The following UBQLN1 variants were observed in gnomAD, a reference collection of about 807,000 sequenced individuals.
UBQLN1 encodes ubiquilin-1.
UBQLN1 carries 13 observed loss-of-function variants against 65.4 expected under a neutral mutation model. The ratio of observed to expected loss-of-function variants is 0.20; its 90% CI spans 0.13 to 0.32. UBQLN1 has a LOEUF of 0.32. Among genes scored for constraint, UBQLN1 ranks in the 10% least tolerant of loss-of-function variants. UBQLN1 has a pLI of 1.00. For synonymous variants in UBQLN1, 267 were observed against 247.8 expected (o/e 1.08, Z -0.73); for missense variants, 561 against 724.0 (o/e 0.77, Z 2.58).
At chr9:83,706,043 G>C (rs1438184392) in intron 1 of UBQLN1, among the ~76,000 whole-genome samples, 1 of 152,134 alleles carries the variant, frequency 6.6e-6, no homozygotes, top group Non-Finnish European at 1.5e-5. Flanking sequence ...ATCTTGATAA[G>C]AGCTTGGGCT....
In UBQLN1 at chr9:83,675,319, TAG is replaced by T. The variant is rs146618126; in HGVS notation, c.1105+2406_1105+2407del. Among the ~76,000 whole-genome samples the T allele has an allele frequency of 2.1e-3, 318 of 152,282 alleles. 1 individual carries two copies. The highest frequency in any genetic ancestry group is 6.6e-3 in the African/African-American group (276 of 41,562). On this transcript the variant is annotated intron_variant, in intron 6 of 10. Coordinates refer to ENST00000376395, the MANE Select transcript of UBQLN1 (RefSeq NM_013438.5). ...AATTACTATATGAATTCGTTTTTGTTAGAGAGTTGGTAATGCTTATGCATGAA... is the reference window on the plus strand; with the variant it reads ...AATTACTATATGAATTCGTTTTTGTTAGAGTTGGTAATGCTTATGCATGAA...
intron 7 of UBQLN1, chr9:83,667,595 T>C (rs1270557256): frequency 2.0e-6 from 2 of 985,308 alleles, no homozygotes; most frequent in Non-Finnish European, 2.4e-6. Flanking sequence ...CAAACCTGCT[T>C]CTTTATTGGT....
chr9:83,671,090 CAA>C (rs1305687908), intron 6 of UBQLN1, among the ~76,000 whole-genome samples: 1 of 152,118 alleles, frequency 6.6e-6, no homozygotes, highest in African/African-American at 2.4e-5. Flanking sequence ...CCGAACCTTC[CAA>C]AGTGCCGTGA....
intron 1 of UBQLN1, among the ~76,000 whole-genome samples, chr9:83,700,350 C>T (rs1279074870): frequency 6.6e-6 from 1 of 152,018 alleles, no homozygotes; most frequent in Non-Finnish European, 1.5e-5. Flanking sequence ...AGATTATGTA[C>T]ATACTACACT....
At chr9:83,680,942 A>G (rs1051809968) in intron 3 of UBQLN1, among the ~76,000 whole-genome samples, 11 of 152,232 alleles carry the variant, frequency 7.2e-5, no homozygotes, top group African/African-American at 2.2e-4. Context: ...ATCAGAAATG[A>G]AGCTGAATCT....
chr9:83,671,008 C>A (rs890620910), intron 6 of UBQLN1, among the ~76,000 whole-genome samples: 1 of 152,124 alleles, frequency 6.6e-6, no homozygotes, highest in African/African-American at 2.4e-5. Flanking sequence ...GTCACCCAGG[C>A]TGGAGTGAGG....
chr9:83,707,895 G>A lies in UBQLN1; in HGVS notation c.-216C>T. On this transcript the variant is annotated 5_prime_UTR_variant, in exon 1 of 11. Transcript: ENST00000376395. ...GGCCCGGGTCAGGCGCTCGGCAGCC[G>A]CCGTGTGTTCAGGCGCCGCTCGCTC... 1 of 605,198 alleles carries A rather than the reference G, an allele frequency of 1.7e-6. No individual in the cohort carries two copies. The highest frequency in any genetic ancestry group is 2.6e-6 in the Non-Finnish European group (1 of 377,568). The allele number at this position is 605,198 out of a possible 1,614,324, so 37.5% of individuals were successfully genotyped here.
At chr9:83,682,868 A>G (rs763636056) in intron 3 of UBQLN1, 83 bp downstream of exon 3, 13 of 607,202 alleles carry the variant, frequency 2.1e-5, no homozygotes, top group Non-Finnish European at 3.2e-5. Flanking sequence ...ATAATGTTTT[A>G]TTTTCTCATT....
At chr9:83,673,090 T>C (rs976002256) in intron 6 of UBQLN1, among the ~76,000 whole-genome samples, 2 of 150,454 alleles carry the variant, frequency 1.3e-5, no homozygotes, top group African/African-American at 4.9e-5. Context: ...ATCAGCTGGG[T>C]GTGGTGGTAC....
At chr9:83,684,374 T>C (rs1832002382) in intron 2 of UBQLN1, among the ~76,000 whole-genome samples, 1 of 151,878 alleles carries the variant, frequency 6.6e-6, no homozygotes, top group East Asian at 2.0e-4. Context: ...TTTGTATTTT[T>C]AGTAGAGACA....
At chr9:83,682,486 A>C (rs1167425897) in intron 3 of UBQLN1, among the ~76,000 whole-genome samples, 2 of 150,962 alleles carry the variant, frequency 1.3e-5, no homozygotes, top group African/African-American at 2.4e-5. Context: ...CTCTCTTAAA[A>C]AAACAAACAA....
intron 6 of UBQLN1, among the ~76,000 whole-genome samples, chr9:83,671,641 A>G (rs1419545597): frequency 6.6e-6 from 1 of 152,216 alleles, no homozygotes; most frequent in African/African-American, 2.4e-5. Context: ...CATGCTGTAA[A>G]CAGATGTGCT....
At chr9:83,679,376 C>A (rs1268808543) in intron 4 of UBQLN1, among the ~76,000 whole-genome samples, 4 of 152,122 alleles carry the variant, frequency 2.6e-5, no homozygotes, top group East Asian at 3.8e-4. Flanking sequence ...CAAATAAAAA[C>A]CAATTAAAGC....
chr9:83,667,621 T>C, intron 7 of UBQLN1: 2 of 985,384 alleles, frequency 2.0e-6, no homozygotes, highest in Non-Finnish European at 2.4e-6. Context: ...ATACTTATCA[T>C]CAACATATTA....
intron 1 of UBQLN1, among the ~76,000 whole-genome samples, chr9:83,705,867 G>A (rs747845161): frequency 4.6e-5 from 7 of 151,470 alleles, no homozygotes; most frequent in Non-Finnish European, 8.8e-5. Context: ...AATACACACA[G>A]TACTATAGGC....
At chr9:83,666,215 T>C (rs1831640791) in intron 8 of UBQLN1, 135 bp downstream of exon 8, 1 of 751,582 alleles carries the variant, frequency 1.3e-6, no homozygotes, top group South Asian at 1.8e-5. Context: ...AGCTGAATTC[T>C]CTACGAATTG....
At chr9:83,678,261 TC>T (rs1831876388) in intron 5 of UBQLN1, among the ~76,000 whole-genome samples, 179 bp downstream of exon 5, 1 of 152,148 alleles carries the variant, frequency 6.6e-6, no homozygotes, top group African/African-American at 2.4e-5. Flanking sequence ...GACCTCGGGA[TC>T]CACCCGCCTC....
intron 1 of UBQLN1, among the ~76,000 whole-genome samples, chr9:83,705,708 T>A (rs1241193982): frequency 6.6e-6 from 1 of 152,072 alleles, no homozygotes; most frequent in Non-Finnish European, 1.5e-5. Context: ...ACAGCCCAGG[T>A]GACCTTCAAC....
At chr9:83,698,020 G>A (rs1198730301) in intron 1 of UBQLN1, among the ~76,000 whole-genome samples, 4 of 152,236 alleles carry the variant, frequency 2.6e-5, no homozygotes, top group East Asian at 3.9e-4. Context: ...AGCAGCATGA[G>A]CCACCATGCC....
Sources: allele counts gnomAD v4.1 joint callset (sites outside exome capture counted in the v4.1 genomes callset), GRCh38; gene constraint gnomAD v4.1.1; transcripts MANE v1.5; gene names NCBI Gene and HGNC (gene_info 2026-07-23, HGNC 2026-07-21).